Variants in STAC observed in about 807,000 individuals in gnomAD.
STAC encodes SH3 and cysteine-rich domain-containing protein.
A neutral mutation model predicts 48.8 loss-of-function variants in STAC; 43 were observed. The observed-to-expected ratio is 0.88, with a 90% confidence interval of 0.69 to 1.14. The LOEUF (loss-of-function observed/expected upper bound fraction) is 1.14, where lower values mean the gene tolerates loss of function less well. Among genes scored for constraint, STAC ranks in the 50% most tolerant of loss-of-function variants. The pLI, the probability that STAC is intolerant of heterozygous loss-of-function variation, is 0.00. For synonymous variants in STAC, 193 were observed against 179.5 expected (o/e 1.07, Z -0.60); for missense variants, 497 against 504.0 (o/e 0.99, Z 0.13).
intron 10 of STAC, among the ~76,000 whole-genome samples, chr3:36,538,118 A>T (rs578261093): frequency 4.2e-4 from 64 of 152,296 alleles, no homozygotes; most frequent in South Asian, 2.9e-3. Context: ...TTCATGTCAA[A>T]CTTTTAATTC....
intron 2 of STAC, among the ~76,000 whole-genome samples, chr3:36,451,985 T>C (rs1397486947): frequency 6.6e-6 from 1 of 152,214 alleles, no homozygotes; most frequent in East Asian, 1.9e-4. Context: ...GGCTTTCTGC[T>C]GGCTTTACTC....
At chr3:36,417,044 T>C (rs57675103) in intron 1 of STAC, among the ~76,000 whole-genome samples, 3,533 of 152,244 alleles carry the variant, frequency 0.023, 61 homozygotes, top group East Asian at 0.026. Context: ...TTTGGCCTAC[T>C]CCTGATATAT....
chr3:36,498,066 T>G (rs184222004), intron 6 of STAC, among the ~76,000 whole-genome samples: 213 of 152,284 alleles, frequency 1.4e-3, no homozygotes, highest in African/African-American at 4.9e-3. Flanking sequence ...TGAGTAAGTA[T>G]TAGCAGAAAC....
At chr3:36,418,073 A>C (rs1268734878) in intron 1 of STAC, among the ~76,000 whole-genome samples, 1 of 152,126 alleles carries the variant, frequency 6.6e-6, no homozygotes, top group Non-Finnish European at 1.5e-5. Flanking sequence ...TATTGATTAG[A>C]CTAAGTAAAT....
intron 8 of STAC, chr3:36,506,043 AAG>A: frequency 5.0e-6 from 2 of 399,484 alleles, no homozygotes; most frequent in African/African-American, 2.1e-5. Context: ...AGGGCCTCAG[AAG>A]TTGCATTCCT....
chr3:36,407,128 C>T (rs759823870), intron 1 of STAC, among the ~76,000 whole-genome samples: 2 of 152,198 alleles, frequency 1.3e-5, no homozygotes, highest in African/African-American at 2.4e-5. Flanking sequence ...TATATGTTCA[C>T]TTAAGTGGGA....
intron 8 of STAC, among the ~76,000 whole-genome samples, chr3:36,510,525 G>C (rs2125716801): frequency 6.6e-6 from 1 of 152,220 alleles, no homozygotes; most frequent in East Asian, 1.9e-4. Flanking sequence ...TATTGTGGCA[G>C]TCTTCACAAT....
chr3:36,513,492 T>C (rs1698592600), intron 8 of STAC, among the ~76,000 whole-genome samples: 2 of 152,214 alleles, frequency 1.3e-5, no homozygotes, highest in African/African-American at 4.8e-5. Context: ...CTGGTCTCTG[T>C]GTTTTCAGTC....
chr3:36,443,748 T>C lies in STAC; in HGVS notation c.388+108T>C. On this transcript the variant is annotated intron_variant, in intron 2 of 10. Transcript: ENST00000273183. This position sits in a 1 kb window ranked among gnomAD's most constrained non-coding sequence, Gnocchi z 4.2. ...ACGGACAGATGCTAGGCCTCAGAGA[T>C]TTACATGTGGGAAGATCATTCAGGA... is the stretch of plus-strand genomic sequence containing the variant. 1.4e-5 allele frequency: 20 copies of C among 1,392,334 alleles called. No individual in the cohort carries two copies. The highest frequency in any genetic ancestry group is 1.8e-5 in the Non-Finnish European group (18 of 1,020,248). 86.2% of individuals were successfully genotyped at this position (1,392,334 alleles called of 1,614,324 possible).
At chr3:36,432,796 A>G (rs1233781347) in intron 1 of STAC, among the ~76,000 whole-genome samples, 15 of 151,918 alleles carry the variant, frequency 9.9e-5, no homozygotes, top group Non-Finnish European at 4.4e-5. Context: ...TTCTCAATCT[A>G]TAAGATTTGG....
intron 10 of STAC, among the ~76,000 whole-genome samples, chr3:36,536,858 A>G (rs905425874): frequency 1.3e-5 from 2 of 151,982 alleles, no homozygotes; most frequent in Non-Finnish European, 2.9e-5. Flanking sequence ...AAAACAAAAA[A>G]AAAAAAACCC....
chr3:36,431,639 AT>A (rs147730441), intron 1 of STAC, among the ~76,000 whole-genome samples: 18 of 152,266 alleles, frequency 1.2e-4, no homozygotes, highest in East Asian at 1.9e-4. Flanking sequence ...CAAAACATCA[AT>A]GAGCAATGTA....
At chr3:36,538,428 T>G (rs1699248430) in intron 10 of STAC, among the ~76,000 whole-genome samples, 1 of 152,186 alleles carries the variant, frequency 6.6e-6, no homozygotes, top group South Asian at 2.1e-4. Context: ...TATTGGATAT[T>G]CAGAGTTTTT....
intron 1 of STAC, among the ~76,000 whole-genome samples, chr3:36,437,012 A>G (rs1397453111): frequency 9.9e-5 from 15 of 151,948 alleles, no homozygotes; most frequent in Non-Finnish European, 1.3e-4. Context: ...GCAGCCAAAA[A>G]ACACATGAAA....
At position 36,505,778 on chromosome 3, in the gene STAC, C is replaced by A. The variant is rs980707418; in HGVS notation, c.864C>A (p.Asn288Lys). Reference sequence around the variant, plus strand: ...TTTCCAAAGACCCATTACAGATGAACACCTATGTTGCCTTGTACAAATTTG... The same window carrying A: ...TTTCCAAAGACCCATTACAGATGAAAACCTATGTTGCCTTGTACAAATTTG... ...GSLSKDPLQM[N>K]TYVALYKFVP... Residue 288 changes from asparagine (N) to lysine (K), a missense_variant, in exon 8 of 11, where the codon AAC (asparagine) becomes AAA (lysine). Asn to Lys is a moderately conservative substitution (Grantham distance 94). Coordinates refer to ENST00000273183, the MANE Select transcript of STAC (RefSeq NM_003149.3). The A allele has an allele frequency of 2.5e-6, 4 of 1,607,294 alleles. No individual in the cohort carries two copies. The highest frequency in any genetic ancestry group is 1.3e-5 in the African/African-American group (1 of 74,418).
chr3:36,544,716 C>G (rs1699406759), intron 10 of STAC, among the ~76,000 whole-genome samples: 1 of 152,120 alleles, frequency 6.6e-6, no homozygotes, highest in African/African-American at 2.4e-5. Context: ...AGTTGTAGGT[C>G]TCAGCTTTTG....
intron 4 of STAC, 55 bp from the exon 5 acceptor site, chr3:36,486,079 T>C (rs1697802645): frequency 1.4e-6 from 2 of 1,385,094 alleles, no homozygotes; most frequent in Admixed American, 1.8e-5. Context: ...TGGTAGGCAG[T>C]TGGCTGGGTC....
At chr3:36,409,160 G>A (rs1408651200) in intron 1 of STAC, among the ~76,000 whole-genome samples, 3 of 152,090 alleles carry the variant, frequency 2.0e-5, no homozygotes, top group East Asian at 1.9e-4. Flanking sequence ...GTATATAAAC[G>A]TGGGTTTGAC....
intron 10 of STAC, among the ~76,000 whole-genome samples, chr3:36,530,593 C>CTTTTTTTTT (rs577222686): frequency 2.8e-5 from 2 of 72,018 alleles, no homozygotes; most frequent in African/African-American, 6.1e-5. Flanking sequence ...TTTTTTTTTT[C>CTTTTTTTTT]TTTTTTTTTT....
Sources: allele counts gnomAD v4.1 joint callset (sites outside exome capture counted in the v4.1 genomes callset), GRCh38; gene constraint gnomAD v4.1.1; non-coding constraint Gnocchi (gnomAD v3.1); transcripts MANE v1.5; gene names NCBI Gene and HGNC (gene_info 2026-07-23, HGNC 2026-07-21).